Variants in CCDC7 observed in about 807,000 individuals in gnomAD.
The protein encoded by CCDC7 is coiled-coil domain-containing protein 7.
Under a neutral mutation model 196.9 loss-of-function variants are expected in CCDC7, and 183 were observed. The ratio of observed to expected loss-of-function variants is 0.93; its 90% CI spans 0.82 to 1.05. CCDC7 has a LOEUF of 1.05. CCDC7 is among the 50% of genes least tolerant of loss of function. The pLI, the probability that CCDC7 is intolerant of heterozygous loss-of-function variation, is 0.00. For synonymous variants in CCDC7, 525 were observed against 484.6 expected (o/e 1.08, Z -1.10); for missense variants, 1,540 against 1,482.2 (o/e 1.04, Z -0.64).
At position 32,735,783 on chromosome 10, in the gene CCDC7, G is replaced by T. The variant is rs896062847; in HGVS notation, c.2905+6326G>T. ...TACACTTGTTCCTTTGTGTCTTCTA[G>T]GAATTTTATAGTTTTTGCATTTTAT... On this transcript the variant is annotated intron_variant, in intron 28 of 41. Coordinates refer to ENST00000639629, the Ensembl canonical transcript of CCDC7. Among the ~76,000 whole-genome samples, 18 of 152,148 alleles carry T rather than the reference G, an allele frequency of 1.2e-4. 1 individual carries two copies. In the South Asian group the frequency reaches 1.2e-3, roughly 11 times the overall value.
chr10:32,560,791 A>G (rs1233242619), intron 13 of CCDC7, among the ~76,000 whole-genome samples: 2 of 152,210 alleles, frequency 1.3e-5, no homozygotes, highest in Non-Finnish European at 2.9e-5. Context: ...AGCTAACATC[A>G]TAATGACAGG....
chr10:32,758,486 T>G (rs1263688785), intron 28 of CCDC7, among the ~76,000 whole-genome samples: 1 of 152,034 alleles, frequency 6.6e-6, no homozygotes, highest in Non-Finnish European at 1.5e-5. Context: ...AAATAGAACC[T>G]AAGACAAAAA....
intron 2 of CCDC7, among the ~76,000 whole-genome samples, chr10:32,455,675 A>G (rs2034178641): frequency 6.6e-6 from 1 of 152,206 alleles, no homozygotes; most frequent in Non-Finnish European, 1.5e-5. Context: ...CACTCTATGA[A>G]AATCCTAACT....
intron 41 of CCDC7, among the ~76,000 whole-genome samples, chr10:32,858,913 TA>T (rs922504822): frequency 3.3e-5 from 5 of 151,978 alleles, no homozygotes; most frequent in Non-Finnish European, 5.9e-5. Context: ...CCCAGTTTCA[TA>T]AAAAAAGTTC....
At chr10:32,851,908 C>T in exon 40 of CCDC7, 4 of 1,602,816 alleles carry the variant, frequency 2.5e-6, no homozygotes, top group South Asian at 1.1e-5. Context: ...CATCCACCTT[C>T]CTTTACTGAA....
intron 9 of CCDC7, chr10:32,511,360 C>T (rs1004772585): frequency 6.0e-5 from 95 of 1,584,908 alleles, no homozygotes; most frequent in African/African-American, 2.8e-5. Context: ...ATGCATTTTT[C>T]GGTTTTGGTT....
At position 32,625,931 on chromosome 10, in the gene CCDC7, C is replaced by T. The variant is rs557202154; in HGVS notation, c.1802-8323C>T. ...TTTTTAAAGGCTACATAGTATTCTA[C>T]TCTCTCTATGTACTACATTTTCTTT... On this transcript the variant is annotated intron_variant, in intron 18 of 41. Transcript: ENST00000639629. Among the ~76,000 whole-genome samples the T allele has an allele frequency of 3.5e-4, 53 of 152,162 alleles. No homozygotes were observed. The South Asian group carries it at 0.01, about 30-fold the overall frequency.
chr10:32,870,456 G>A (rs2094387307), intron 41 of CCDC7, among the ~76,000 whole-genome samples: 1 of 152,180 alleles, frequency 6.6e-6, no homozygotes, highest in East Asian at 1.9e-4. Flanking sequence ...TGTATCCTGA[G>A]ACTTTACTGA....
chr10:32,651,522 C>T (rs2140160304), intron 20 of CCDC7, among the ~76,000 whole-genome samples: 1 of 152,268 alleles, frequency 6.6e-6, no homozygotes, highest in African/African-American at 2.4e-5. Flanking sequence ...AATGGCTCAG[C>T]AGTCAAAGAC....
intron 18 of CCDC7, among the ~76,000 whole-genome samples, chr10:32,625,367 C>T (rs537195921): frequency 2.0e-5 from 3 of 151,418 alleles, no homozygotes; most frequent in South Asian, 2.1e-4. Flanking sequence ...ACCTATGTGT[C>T]TGTTTTATTA....
chr10:32,845,768 TACACACACACACAC>T (rs145287806), intron 35 of CCDC7, 94 bp from the exon 37 acceptor site: 12 of 750,696 alleles, frequency 1.6e-5, no homozygotes, highest in Non-Finnish European at 2.5e-5. Flanking sequence ...CTTCCATAAT[TACACACACACACAC>T]ACACACACAC....
intron 16 of CCDC7, among the ~76,000 whole-genome samples, chr10:32,573,274 C>T (rs148204689): frequency 0.015 from 2,308 of 152,280 alleles, 20 homozygotes; most frequent in Middle Eastern, 0.034. Context: ...GAAAATCCTA[C>T]AGAGCCAGTA....
chr10:32,647,791 G>C (rs1262913685), intron 20 of CCDC7, among the ~76,000 whole-genome samples: 1 of 152,306 alleles, frequency 6.6e-6, no homozygotes, highest in Admixed American at 6.5e-5. Context: ...TGTTTGCTCT[G>C]TTGACAGTTT....
chr10:32,589,359 A>G (rs1244804270), intron 18 of CCDC7, among the ~76,000 whole-genome samples: 2 of 152,078 alleles, frequency 1.3e-5, no homozygotes, highest in Non-Finnish European at 2.9e-5. Flanking sequence ...ATAGTCCTCC[A>G]TTGTGTATAT....
intron 21 of CCDC7, among the ~76,000 whole-genome samples, chr10:32,664,933 A>G (rs1010173600): frequency 6.6e-6 from 1 of 152,058 alleles, no homozygotes; most frequent in African/African-American, 2.4e-5. Flanking sequence ...TCCCACCAAC[A>G]GTGTACAAGT....
intron 11 of CCDC7, among the ~76,000 whole-genome samples, chr10:32,528,404 C>G (rs959428262): frequency 4.8e-5 from 7 of 146,376 alleles, no homozygotes; most frequent in Non-Finnish European, 1.0e-4. Context: ...CCTCACCCCC[C>G]TCTTATCCTT....
At chr10:32,608,298 G>A (rs1183558357) in intron 18 of CCDC7, among the ~76,000 whole-genome samples, 1 of 151,764 alleles carries the variant, frequency 6.6e-6, no homozygotes, top group Non-Finnish European at 1.5e-5. Flanking sequence ...CTGTGTTTTA[G>A]TTCTGCTCTG....
At chr10:32,666,311 C>T (rs576267970) in intron 21 of CCDC7, among the ~76,000 whole-genome samples, 49 of 151,596 alleles carry the variant, frequency 3.2e-4, no homozygotes, top group African/African-American at 1.1e-3. Flanking sequence ...ATACCAGGTA[C>T]GGCAGTAGGA....
At chr10:32,819,496 GAC>G (rs1350867311) in intron 31 of CCDC7, among the ~76,000 whole-genome samples, 1 of 152,078 alleles carries the variant, frequency 6.6e-6, no homozygotes, top group Admixed American at 6.5e-5. Context: ...ACCAAAGCCT[GAC>G]AGAGACACAA....
Sources: allele counts gnomAD v4.1 joint callset (sites outside exome capture counted in the v4.1 genomes callset), GRCh38; gene constraint gnomAD v4.1.1; transcripts MANE v1.5; gene names NCBI Gene and HGNC (gene_info 2026-07-23, HGNC 2026-07-21).